EBF3: variants seen among roughly 807,000 people sequenced by gnomAD.
EBF3 encodes transcription factor COE3.
A neutral mutation model predicts 77.1 loss-of-function variants in EBF3; 18 were observed. The ratio of observed to expected loss-of-function variants is 0.23; its 90% CI spans 0.16 to 0.35. The LOEUF (loss-of-function observed/expected upper bound fraction) is 0.35, where lower values mean the gene tolerates loss of function less well. Among genes scored for constraint, EBF3 ranks in the 10% least tolerant of loss-of-function variants. The pLI is 1.00. For synonymous variants in EBF3, 350 were observed against 343.5 expected, an observed-to-expected ratio of 1.02 and a Z score of -0.21; for missense variants, 558 against 860.0, an observed-to-expected ratio of 0.65 and a Z score of 4.39.
At chr10:129,908,951 AG>A (rs1299755433) in intron 6 of EBF3, among the ~76,000 whole-genome samples, 1 of 152,208 alleles carries the variant, frequency 6.6e-6, no homozygotes, top group Non-Finnish European at 1.5e-5. Context: ...ATATACTAAA[AG>A]TATTCTTTTA....
intron 11 of EBF3, chr10:129,845,195 A>G (rs1429041198): frequency 6.6e-6 from 1 of 152,230 alleles, no homozygotes; most frequent in Non-Finnish European, 1.5e-5. Flanking sequence ...GGGTAACCCA[A>G]TCAGTCAAGG....
intron 5 of EBF3, among the ~76,000 whole-genome samples, chr10:129,958,280 TTTCCTTGCTA>T (rs1859192872): frequency 6.6e-6 from 1 of 152,254 alleles, no homozygotes; most frequent in Non-Finnish European, 1.5e-5. Context: ...CCTGCAACGC[TTTCCTTGCTA>T]TTCCTTGCAA....
intron 6 of EBF3, among the ~76,000 whole-genome samples, chr10:129,953,031 TAAA>T (rs560515814): frequency 2.8e-4 from 18 of 64,736 alleles, no homozygotes; most frequent in Admixed American, 1.3e-3. Context: ...CACTGTTGAC[TAAA>T]AAAAAAAAAA....
At chr10:129,847,178 G>T (rs1254747857) in intron 11 of EBF3, among the ~76,000 whole-genome samples, 5 of 152,116 alleles carry the variant, frequency 3.3e-5, no homozygotes, top group Non-Finnish European at 5.9e-5. Context: ...AGCTGCTGGG[G>T]TGTCTTCCCT....
In EBF3 at chr10:129,863,441, C is replaced by G. The variant is rs147157809; in HGVS notation, c.1039+3700G>C. ...CTAATAGGGTCTGGTTCAGAAAAAT[C>G]TGGTGTTTCTCAGATCACTGTAAAC... On this transcript the variant is annotated intron_variant, in intron 10 of 16. Transcript: ENST00000440978. This position sits in a 1 kb window ranked among gnomAD's most constrained non-coding sequence, Gnocchi z 4.0. Among the ~76,000 whole-genome samples the G allele has an allele frequency of 5.0e-3, 765 of 152,350 alleles. 6 individuals are homozygous for G. Among genetic ancestry groups the G allele is most frequent in the Middle Eastern group, 0.01 (3 of 294 alleles).
chr10:129,914,790 G>A (rs1855761358), intron 6 of EBF3, among the ~76,000 whole-genome samples: 3 of 152,140 alleles, frequency 2.0e-5, no homozygotes, highest in Admixed American at 1.3e-4. Flanking sequence ...CTACTCACCA[G>A]GTGTCAGGCC....
intron 6 of EBF3, among the ~76,000 whole-genome samples, chr10:129,941,540 C>T (rs1391765303): frequency 3.3e-5 from 5 of 151,740 alleles, no homozygotes; most frequent in Non-Finnish European, 5.9e-5. Context: ...AGAGAGGAGA[C>T]TCGGCCACAG....
Position 129,962,994 on chromosome 10 carries a change from G to T in EBF3, c.303C>A (p.Asn101Lys). Residue 101 changes from asparagine to lysine, a missense_variant, in exon 3 of 17, where the codon AAC becomes AAA. This residue lies in a region of EBF3 where 84 missense variants were observed against 142.3 expected (regional missense o/e 0.59). Transcript: ENST00000440978. Reference sequence around the variant, plus strand: ...AGTGGATGCCGTTGTTGGTTTTCTCGTTGTTTGGCTCCTGAAAGTAACGAT... The same window carrying T: ...AGTGGATGCCGTTGTTGGTTTTCTCTTTGTTTGGCTCCTGAAAGTAACGAT... ...DFVEKEKEPN[N>K]EKTNNGIHYK... 1 of 1,614,132 alleles carries T rather than the reference G, an allele frequency of 6.2e-7. No homozygotes were observed. Among genetic ancestry groups the T allele is most frequent in the Non-Finnish European group, 8.5e-7 (1 of 1,180,008 alleles).
intron 6 of EBF3, among the ~76,000 whole-genome samples, chr10:129,930,497 T>C (rs1856937641): frequency 5.1e-5 from 7 of 138,314 alleles, no homozygotes; most frequent in African/African-American, 1.7e-4. Flanking sequence ...CTCTCATATA[T>C]CTATATCTGT....
rs910808033 is a variant in EBF3 at position 129,915,627 on chromosome 10, G to A, written c.555-37778C>T. On this transcript the variant is annotated intron_variant, in intron 6 of 16. Coordinates refer to ENST00000440978, the MANE Select transcript of EBF3 (RefSeq NM_001375380.1). ...ACATCAATGCTGGGCGAGCACAGCCGCCGAGAGTGCGGGAAAGCTGTGCCC... is the reference window on the plus strand; with the variant it reads ...ACATCAATGCTGGGCGAGCACAGCCACCGAGAGTGCGGGAAAGCTGTGCCC... Among the ~76,000 whole-genome samples, 7 of 152,206 alleles carry A rather than the reference G, an allele frequency of 4.6e-5. No individual in the cohort carries two copies. The East Asian group carries it at 5.8e-4, about 13-fold the overall frequency.
At chr10:129,894,615 T>C (rs1048262159) in intron 6 of EBF3, among the ~76,000 whole-genome samples, 1 of 152,114 alleles carries the variant, frequency 6.6e-6, no homozygotes, top group African/African-American at 2.4e-5. Context: ...GACCAGGCTC[T>C]CCATTGCTCA....
At chr10:129,958,039 C>T (rs1859170763) in intron 5 of EBF3, among the ~76,000 whole-genome samples, 1 of 152,212 alleles carries the variant, frequency 6.6e-6, no homozygotes, top group Admixed American at 6.5e-5. Flanking sequence ...GAGCTTAAAT[C>T]ACATCTGTGC....
At chr10:129,929,155 A>T (rs1364094707) in intron 6 of EBF3, among the ~76,000 whole-genome samples, 1 of 152,146 alleles carries the variant, frequency 6.6e-6, no homozygotes, top group Non-Finnish European at 1.5e-5. Flanking sequence ...ATCCGATGCT[A>T]TGTCAACATT....
At chr10:129,840,567 C>T in intron 14 of EBF3, 125 bp from the exon 15 acceptor site, 1 of 1,110,650 alleles carries the variant, frequency 9.0e-7, no homozygotes, top group Non-Finnish European at 1.3e-6. Flanking sequence ...ATGCGTCTGG[C>T]TCGGCCACGC....
chr10:129,962,264 A>C (rs766671820), intron 3 of EBF3, 38 bp from the exon 4 acceptor site: 1 of 1,607,290 alleles, frequency 6.2e-7, no homozygotes, highest in East Asian at 2.2e-5. Context: ...TCAGGATTTG[A>C]GTGCTGCACC....
At position 129,948,023 on chromosome 10, in the gene EBF3, G is replaced by A. The variant is rs148569624; in HGVS notation, c.554+9235C>T. Among the ~76,000 whole-genome samples the A allele has an allele frequency of 1.4e-3, 216 of 152,186 alleles. 1 individual carries two copies. The highest frequency in any genetic ancestry group is 6.8e-3 in the Middle Eastern group (2 of 294). ...TGTAATCCTAGCACTTTGGGAGGCC[G>A]AGGCAGGTGGATGACCTGAGGTCAG... On this transcript the variant is annotated intron_variant, in intron 6 of 16. Coordinates refer to ENST00000440978, the MANE Select transcript of EBF3 (RefSeq NM_001375380.1).
intron 8 of EBF3, among the ~76,000 whole-genome samples, chr10:129,869,771 A>G (rs1243336652): frequency 6.6e-6 from 1 of 152,218 alleles, no homozygotes; most frequent in African/African-American, 2.4e-5. Flanking sequence ...CTCCCTCCGC[A>G]GCAGAGGCGC....
chr10:129,862,371 G>T (rs759285106), intron 10 of EBF3, among the ~76,000 whole-genome samples: 13 of 152,150 alleles, frequency 8.5e-5, no homozygotes, highest in Non-Finnish European at 1.8e-4. Context: ...GTCCACTTCG[G>T]ATGTGGTTGC....
intron 6 of EBF3, among the ~76,000 whole-genome samples, chr10:129,883,008 G>A (rs1026850513): frequency 5.9e-5 from 9 of 152,182 alleles, no homozygotes; most frequent in African/African-American, 9.7e-5. Context: ...CCTGGTGATT[G>A]AAGAGAAAAA....
Sources: allele counts gnomAD v4.1 joint callset (sites outside exome capture counted in the v4.1 genomes callset), GRCh38; gene constraint gnomAD v4.1.1; regional missense constraint gnomAD v4.1.1; non-coding constraint Gnocchi (gnomAD v3.1); transcripts MANE v1.5; gene names NCBI Gene and HGNC (gene_info 2026-07-23, HGNC 2026-07-21).